The following PACS2 variants were observed in gnomAD, a reference collection of about 807,000 sequenced individuals.
PACS2 encodes the protein phosphofurin acidic cluster sorting protein 2.
Under a neutral mutation model 113.0 loss-of-function variants are expected in PACS2, and 36 were observed. The ratio of observed to expected loss-of-function variants is 0.32; its 90% CI spans 0.24 to 0.42. The LOEUF is 0.42. PACS2 is among the 10% of genes least tolerant of loss of function. PACS2 has a pLI of 1.00. For synonymous variants in PACS2, 589 were observed against 536.1 expected (o/e 1.10, Z -1.36); for missense variants, 1,015 against 1,239.5 (o/e 0.82, Z 2.72).
In PACS2 at chr14:105,356,876, C is replaced by T. The variant is rs1324932550; in HGVS notation, c.423+1699C>T. 2.1e-5 allele frequency among the ~76,000 whole-genome samples: 3 copies of T among 143,748 alleles called. No individual in the cohort carries two copies. The highest frequency in any genetic ancestry group is 2.1e-4 in the South Asian group (1 of 4,708). The allele number at this position is 143,748 out of a possible 152,430, so 94.3% of individuals were successfully genotyped here. ...CTGTGTTTCCCATTAGCCATTCAGG[C>T]GATGTCCTGCTGATCCCTGCTGGTC... is the stretch of plus-strand genomic sequence containing the variant. On this transcript the variant is annotated intron_variant, in intron 4 of 24. Coordinates refer to ENST00000447393, the MANE Select transcript of PACS2 (RefSeq NM_001100913.3). The surrounding 1 kb of genome is among the most constrained non-coding windows in gnomAD (Gnocchi z 4.0).
chr14:105,368,625 G>A (rs376623666), intron 7 of PACS2, 86 bp downstream of exon 7: 13 of 1,021,920 alleles, frequency 1.3e-5, no homozygotes, highest in Middle Eastern at 2.2e-4. Flanking sequence ...GGACACGGGC[G>A]TGGGAAGTGA....
At chr14:105,351,973 C>A (rs1244614863) in intron 2 of PACS2, among the ~76,000 whole-genome samples, 1 of 152,254 alleles carries the variant, frequency 6.6e-6, no homozygotes, top group African/African-American at 2.4e-5. Context: ...GCCTGAGCAA[C>A]ACAGCGAGAC....
chr14:105,355,644 C>T lies in PACS2; in HGVS notation c.423+467C>T, dbSNP rs2060413645. Among the ~76,000 whole-genome samples, 1 of 152,208 alleles carries T rather than the reference C, an allele frequency of 6.6e-6. No individual in the cohort carries two copies. Among genetic ancestry groups the T allele is most frequent in the South Asian group, 2.1e-4 (1 of 4,832 alleles). The stretch of plus-strand genomic sequence containing the variant: ...GAAGGGGCTAGCGACAATACCCGAG[C>T]AGGGCGGGGGCAGCACCCAGAGGTC... On this transcript the variant is annotated intron_variant, in intron 4 of 24. Coordinates refer to ENST00000447393, the MANE Select transcript of PACS2 (RefSeq NM_001100913.3). This position sits in a 1 kb window ranked among gnomAD's most constrained non-coding sequence, Gnocchi z 4.1.
At chr14:105,360,021 A>G (rs587623546) in intron 4 of PACS2, among the ~76,000 whole-genome samples, 4 of 152,338 alleles carry the variant, frequency 2.6e-5, no homozygotes, top group South Asian at 4.1e-4. Flanking sequence ...CATGCTTTAC[A>G]GGTCTGTGGC....
chr14:105,353,799 G>C (rs782559799), intron 3 of PACS2, among the ~76,000 whole-genome samples: 1 of 152,006 alleles, frequency 6.6e-6, no homozygotes, highest in Non-Finnish European at 1.5e-5. Context: ...TCACCATGTC[G>C]GCCAGGCTGG....
At chr14:105,335,193 G>T (rs1170017443) in intron 1 of PACS2, among the ~76,000 whole-genome samples, 1 of 152,266 alleles carries the variant, frequency 6.6e-6, no homozygotes, top group Non-Finnish European at 1.5e-5. Flanking sequence ...CCGGACGTGT[G>T]TTTGCAGCAT....
At chr14:105,310,082 CCATGTG>C (rs1314484324), upstream of PACS2, among the ~76,000 whole-genome samples, 3 of 151,916 alleles carry the variant, frequency 2.0e-5, no homozygotes, top group African/African-American at 7.3e-5. Context: ...CCGCACCCAG[CCATGTG>C]CATCTTTTTA....
chr14:105,316,393 C>T (rs2058632514), intron 1 of PACS2, among the ~76,000 whole-genome samples: 1 of 152,208 alleles, frequency 6.6e-6, no homozygotes, highest in Non-Finnish European at 1.5e-5. Context: ...TGGCGATTGC[C>T]CCAATGTCAG....
At chr14:105,336,221 C>T (rs1033563151) in intron 1 of PACS2, among the ~76,000 whole-genome samples, 13 of 152,248 alleles carry the variant, frequency 8.5e-5, no homozygotes, top group Non-Finnish European at 1.3e-4. Flanking sequence ...GTGCTCTGTG[C>T]GCGCCCCCAC....
At chr14:105,375,372 G>A (rs2061315819) in intron 8 of PACS2, among the ~76,000 whole-genome samples, 1 of 151,832 alleles carries the variant, frequency 6.6e-6, no homozygotes, top group Non-Finnish European at 1.5e-5. Context: ...CAGCTACTCA[G>A]GAGGCTGAGG....
At chr14:105,305,309 G>A (rs1252899172) in intron 1 of PACS2, among the ~76,000 whole-genome samples, 1 of 152,196 alleles carries the variant, frequency 6.6e-6, no homozygotes, top group African/African-American at 2.4e-5. Context: ...GGCTGAGGTA[G>A]GAGGATTGCT....
At chr14:105,302,566 G>A (rs973153509) in intron 1 of PACS2, among the ~76,000 whole-genome samples, 28 of 151,716 alleles carry the variant, frequency 1.8e-4, no homozygotes, top group East Asian at 1.4e-3. Context: ...TTGGTTCAAT[G>A]TGTTCCCTTT....
chr14:105,386,620 T>C (rs114282579), intron 19 of PACS2, among the ~76,000 whole-genome samples: 1,977 of 152,128 alleles, frequency 0.013, 60 homozygotes, highest in African/African-American at 0.046. Flanking sequence ...CCCCGTGTCT[T>C]CTGCCCTGTG....
At chr14:105,353,387 A>C (rs1201252209) in intron 3 of PACS2, among the ~76,000 whole-genome samples, 15 of 76,886 alleles carry the variant, frequency 2.0e-4, no homozygotes, top group African/African-American at 2.1e-4. Flanking sequence ...CCCCCTCATC[A>C]CTGTCCCCTG....
chr14:105,327,313 G>A (rs1480729854), intron 1 of PACS2, among the ~76,000 whole-genome samples: 3 of 152,198 alleles, frequency 2.0e-5, no homozygotes, highest in Non-Finnish European at 4.4e-5. Context: ...GGATGTGCGC[G>A]GCCAGGTCAG....
intron 15 of PACS2, 111 bp from the exon 16 acceptor site, chr14:105,383,248 T>C: frequency 7.9e-7 from 1 of 1,258,714 alleles, no homozygotes; most frequent in Non-Finnish European, 1.1e-6. Flanking sequence ...AGTTGTGGCA[T>C]GAGCGGCCAC....
intron 1 of PACS2, among the ~76,000 whole-genome samples, chr14:105,303,029 A>C (rs2058085464): frequency 6.7e-6 from 1 of 148,910 alleles, no homozygotes; most frequent in African/African-American, 2.5e-5. Flanking sequence ...CCCAGGTTCA[A>C]GTGATTCTGT....
intron 1 of PACS2, among the ~76,000 whole-genome samples, chr14:105,339,823 T>G (rs1217110118): frequency 6.6e-6 from 1 of 152,256 alleles, no homozygotes; most frequent in Non-Finnish European, 1.5e-5. Flanking sequence ...TTTTGTATTT[T>G]TAGTAGAGAG....
chr14:105,391,620 C>T lies in PACS2; in HGVS notation c.2120-11C>T. On this transcript the variant is annotated splice_polypyrimidine_tract_variant and intron_variant, in intron 21 of 24. Coordinates refer to ENST00000447393, the MANE Select transcript of PACS2 (RefSeq NM_001100913.3). ...GGTGGGCTCAGCCTGCCCTGTGACT[C>T]CTCCCCAAAGGCGACTCGGACGACG... 6.3e-7 allele frequency: 1 copy of T among 1,599,372 alleles called. No individual in the cohort carries two copies. Among genetic ancestry groups the T allele is most frequent in the Non-Finnish European group, 8.5e-7 (1 of 1,174,166 alleles).
Sources: gnomAD v4.1 joint callset for allele counts (sites outside exome capture counted in the v4.1 genomes callset) on GRCh38, gnomAD v4.1.1 for gene constraint, Gnocchi (gnomAD v3.1) non-coding constraint, MANE v1.5 for transcripts, NCBI Gene and HGNC (gene_info 2026-07-23, HGNC 2026-07-21) for gene names.